EVC: variants seen among roughly 807,000 people sequenced by gnomAD.
EVC encodes the protein evC complex member EVC.
A neutral mutation model predicts 118.9 loss-of-function variants in EVC; 116 were observed. The observed-to-expected ratio is 0.98, with a 90% confidence interval of 0.84 to 1.14. EVC has a LOEUF of 1.14. Ranked by LOEUF, EVC falls within the 50% of genes most tolerant of loss-of-function variation. The probability of loss-of-function intolerance (pLI) is 0.00; values close to 1 mark genes in which losing one functional copy is unlikely to be tolerated. For missense variants in EVC, 1,401 were observed against 1,246.4 expected, an observed-to-expected ratio of 1.12 and a Z score of -1.87; for synonymous variants, 619 against 534.7, an observed-to-expected ratio of 1.16 and a Z score of -2.18.
chr4:5,735,425 G>C (rs1356212281), intron 5 of EVC, among the ~76,000 whole-genome samples: 4 of 152,082 alleles, frequency 2.6e-5, no homozygotes, highest in African/African-American at 9.7e-5. Context: ...CACCTCTCTG[G>C]GCCACTTTAG....
chr4:5,729,055 T>G (rs1726346005), intron 2 of EVC, among the ~76,000 whole-genome samples: 1 of 152,026 alleles, frequency 6.6e-6, no homozygotes, highest in African/African-American at 2.4e-5. Context: ...TATCCATCCA[T>G]CCACCTGTCT....
chr4:5,777,596 T>A (rs1734892430), intron 11 of EVC, among the ~76,000 whole-genome samples: 1 of 152,228 alleles, frequency 6.6e-6, no homozygotes, highest in South Asian at 2.1e-4. Context: ...TCTTTGCAAC[T>A]TTTATGAAGA....
intron 13 of EVC, among the ~76,000 whole-genome samples, chr4:5,796,241 T>C (rs930630658): frequency 1.3e-5 from 2 of 152,162 alleles, no homozygotes; most frequent in Non-Finnish European, 2.9e-5. Flanking sequence ...AGTGTAAAGG[T>C]TGTGTCTGAC....
At chr4:5,767,144 G>A (rs991065327) in intron 11 of EVC, among the ~76,000 whole-genome samples, 1 of 151,686 alleles carries the variant, frequency 6.6e-6, no homozygotes, top group African/African-American at 2.4e-5. Context: ...CTGCAGGTCT[G>A]TTGGAGTACC....
intron 11 of EVC, among the ~76,000 whole-genome samples, chr4:5,769,068 T>G (rs1213627230): frequency 6.6e-6 from 1 of 152,084 alleles, no homozygotes; most frequent in Non-Finnish European, 1.5e-5. Context: ...TCACCTATAT[T>G]AATTTGTTCT....
chr4:5,790,787 T>A (rs1712625264), intron 12 of EVC, among the ~76,000 whole-genome samples: 1 of 152,152 alleles, frequency 6.6e-6, no homozygotes, highest in South Asian at 2.1e-4. Flanking sequence ...AAAATATACT[T>A]TATGAATGAA....
At chr4:5,796,531 G>T (rs1713996734) in intron 13 of EVC, among the ~76,000 whole-genome samples, 1 of 151,970 alleles carries the variant, frequency 6.6e-6, no homozygotes, top group African/African-American at 2.4e-5. Context: ...CTAGGATGAA[G>T]GCACCCACCA....
intron 11 of EVC, among the ~76,000 whole-genome samples, chr4:5,780,919 C>T (rs1485878571): frequency 6.6e-6 from 1 of 152,204 alleles, no homozygotes; most frequent in Non-Finnish European, 1.5e-5. Flanking sequence ...GAATCCTCTC[C>T]CCATGGAGTC....
chr4:5,749,339 C>CA lies in EVC; in HGVS notation c.1098+1033_1098+1034insA, dbSNP rs1729990579. 1.1e-5 allele frequency among the ~76,000 whole-genome samples: 1 copy of CA among 87,208 alleles called. No individual in the cohort carries two copies. The highest frequency in any genetic ancestry group is 5.6e-5 in the African/African-American group (1 of 17,902). 57.2% of individuals were successfully genotyped at this position (87,208 alleles called of 152,430 possible). A position where few individuals can be genotyped will look rare whatever the true frequency, so the allele number is the denominator to read the frequency against. On this transcript the variant is annotated intron_variant, in intron 8 of 20. Coordinates refer to ENST00000264956, the MANE Select transcript of EVC (RefSeq NM_153717.3). This position sits in a 1 kb window ranked among gnomAD's most constrained non-coding sequence, Gnocchi z 4.4. ...ATTAACACTAACGATAGCTGATGAGCGGAAAAAAAAAAAAAAAAAAAGGTC... is the reference window on the plus strand; with the variant it reads ...ATTAACACTAACGATAGCTGATGAGCAGGAAAAAAAAAAAAAAAAAAAGGTC...
Position 5,808,729 on chromosome 4 carries a change from A to C in EVC, c.2688+402A>C, listed in dbSNP as rs375815866. 2.6e-5 allele frequency among the ~76,000 whole-genome samples: 4 copies of C among 152,370 alleles called. 1 individual carries two copies. The highest frequency in any genetic ancestry group is 4.1e-4 in the South Asian group (2 of 4,828). ...TAAAGTTTACACTTTATTTACAGCA[A>C]ACAGGAAGCTCAGCTCTCATGATAT... On this transcript the variant is annotated intron_variant, in intron 18 of 20. Transcript: ENST00000264956.
intron 6 of EVC, 24 bp from the exon 7 acceptor site, chr4:5,745,180 T>G (rs778311533): frequency 1.1e-5 from 18 of 1,606,782 alleles, no homozygotes; most frequent in African/African-American, 2.8e-5. Flanking sequence ...TTTATTTGCT[T>G]TCTTTTTTCT....
At chr4:5,770,228 C>G (rs1353891749) in intron 11 of EVC, among the ~76,000 whole-genome samples, 2 of 152,158 alleles carry the variant, frequency 1.3e-5, no homozygotes, top group Admixed American at 1.3e-4. Context: ...CTCAGCTACA[C>G]TGGTATGGCT....
rs1156272458 is a variant in EVC, at chr4:5,778,860, G to C, written c.1564-4692G>C. Among the ~76,000 whole-genome samples the C allele has an allele frequency of 1.6e-3, 236 of 151,316 alleles. 1 individual carries two copies. The highest frequency in any genetic ancestry group is 2.5e-3 in the Non-Finnish European group (173 of 67,946). On this transcript the variant is annotated intron_variant, in intron 11 of 20. Transcript: ENST00000264956. ...TTTAGTTTAATTAGATCCCATTTGT[G>C]AATTTTGGCTTTTGTTGCCATTGCT...
chr4:5,825,903 G>A, the EVC span: 14 of 513,216 alleles, frequency 2.7e-5, no homozygotes, highest in African/African-American at 1.3e-4. The surrounding 1 kb of genome is among the most constrained non-coding windows in gnomAD (Gnocchi z 4.4). Context: ...ACATACAGAC[G>A]CACACACCAC....
intron 1 of EVC, among the ~76,000 whole-genome samples, chr4:5,711,779 G>A (rs1036961533): frequency 2.0e-5 from 3 of 152,192 alleles, no homozygotes; most frequent in Non-Finnish European, 2.9e-5. Flanking sequence ...ATCCCACTCC[G>A]TTGGGTGATC....
intron 7 of EVC, 98 bp from the exon 8 acceptor site, chr4:5,748,050 T>A: frequency 7.7e-7 from 1 of 1,297,928 alleles, no homozygotes; most frequent in Admixed American, 1.7e-5. Context: ...AATCTTTGTT[T>A]GTGATAGGGA....
In EVC at chr4:5,797,179, C is replaced by G. The variant is rs763683606; in HGVS notation, c.2044C>G (p.Gln682Glu). The change falls in exon 14 of 21, where the codon CAG (glutamine) becomes GAG (glutamate). Residue 682 changes from glutamine to glutamate, a missense_variant. Coordinates refer to ENST00000264956, the MANE Select transcript of EVC (RefSeq NM_153717.3). Reference protein sequence around the residue: ...QELREQRALEQGSSQCLDEHQ... With the variant: ...QELREQRALEEGSSQCLDEHQ... ...GCTGCGGGAACAGCGTGCACTGGAG[C>G]AGGGGTCCTCCCAGTGCCTGGACGA... 1.2e-6 allele frequency: 2 copies of G among 1,613,312 alleles called. No individual in the cohort carries two copies. The highest frequency in any genetic ancestry group is 1.3e-5 in the African/African-American group (1 of 75,080).
intron 11 of EVC, chr4:5,758,322 G>A (rs978672850): frequency 9.2e-6 from 5 of 545,222 alleles, no homozygotes; most frequent in African/African-American, 3.8e-5. Context: ...CCCAGTTTGC[G>A]GCGCTTTGTC....
At chr4:5,726,023 G>A (rs574569863) in intron 2 of EVC, among the ~76,000 whole-genome samples, 15 of 152,292 alleles carry the variant, frequency 9.8e-5, no homozygotes, top group African/African-American at 3.1e-4. Context: ...AGGGCATCGC[G>A]GTGCAGCTCT....
Sources: allele counts gnomAD v4.1 joint callset (sites outside exome capture counted in the v4.1 genomes callset), GRCh38; gene constraint gnomAD v4.1.1; non-coding constraint Gnocchi (gnomAD v3.1); transcripts MANE v1.5; gene names NCBI Gene and HGNC (gene_info 2026-07-23, HGNC 2026-07-21).